The following AR variants were observed in gnomAD, a reference collection of about 807,000 sequenced individuals.
The protein encoded by AR is androgen receptor.
A neutral mutation model predicts 53.9 loss-of-function variants in AR; 8 were observed. The ratio of observed to expected loss-of-function variants is 0.15; its 90% CI spans 0.09 to 0.27. AR has a LOEUF of 0.27. Ranked by LOEUF, AR falls within the 10% of genes least tolerant of loss-of-function variation. The probability of loss-of-function intolerance (pLI) is 1.00; values close to 1 mark genes in which losing one functional copy is unlikely to be tolerated. For synonymous variants in AR, 359 were observed against 316.4 expected (o/e 1.13, Z -1.43); for missense variants, 639 against 742.5 (o/e 0.86, Z 1.62).
intron 2 of AR, among the ~76,000 whole-genome samples, chrX:67,654,988 A>G (rs2147452444): frequency 9.6e-6 from 1 of 104,428 alleles, no homozygotes; most frequent in South Asian, 4.6e-4. Flanking sequence ...CTATGACTCT[A>G]TTTTGTTTAA....
At chrX:67,681,159 A>C (rs1160664078) in intron 2 of AR, among the ~76,000 whole-genome samples, 1 of 112,014 alleles carries the variant, frequency 8.9e-6, no homozygotes, top group Non-Finnish European at 1.9e-5. Context: ...TGAGCCCTTC[A>C]TTATAGACTG....
intron 2 of AR, among the ~76,000 whole-genome samples, chrX:67,664,056 T>C: frequency 8.9e-6 from 1 of 111,826 alleles, no homozygotes; most frequent in Non-Finnish European, 1.9e-5. Context: ...TTCTTTGCCA[T>C]GCGTTCGAAC....
chrX:67,682,928 G>C (rs966936213), intron 2 of AR, among the ~76,000 whole-genome samples: 2 of 112,014 alleles, frequency 1.8e-5, no homozygotes, highest in African/African-American at 6.5e-5. Flanking sequence ...AACCACTTCT[G>C]TCACTATTAT....
At chrX:67,607,075 A>G (rs1923662558) in intron 1 of AR, among the ~76,000 whole-genome samples, 1 of 110,118 alleles carries the variant, frequency 9.1e-6, no homozygotes, top group Non-Finnish European at 1.9e-5. Flanking sequence ...TCTTGCCCAG[A>G]CTGGAGTGCA....
intron 1 of AR, among the ~76,000 whole-genome samples, chrX:67,622,810 T>G (rs1279557776): frequency 8.9e-6 from 1 of 112,146 alleles, no homozygotes; most frequent in Non-Finnish European, 1.9e-5. Context: ...TTTTTCTTCC[T>G]ATAGCAATTG....
chrX:67,696,393 G>C (rs2076020975), intron 3 of AR, among the ~76,000 whole-genome samples: 1 of 111,669 alleles, frequency 9.0e-6, no homozygotes, highest in African/African-American at 3.3e-5. Flanking sequence ...TATCTGGACA[G>C]TGAGCCCCTT....
At chrX:67,579,927 A>T (rs1922215889) in intron 1 of AR, among the ~76,000 whole-genome samples, 2 of 111,271 alleles carry the variant, frequency 1.8e-5, no homozygotes, top group South Asian at 7.6e-4. Context: ...AAAGGGTTAA[A>T]TTGTTCCTTC....
At chrX:67,647,543 A>C (rs2147442600) in intron 2 of AR, among the ~76,000 whole-genome samples, 1 of 111,929 alleles carries the variant, frequency 8.9e-6, no homozygotes, top group East Asian at 2.8e-4. Flanking sequence ...AGGCAAATTA[A>C]CTCTGCTAAG....
At position 67,717,484 on chromosome X, in the gene AR, G is replaced by T. The variant is rs137852593; in HGVS notation, c.2180G>T (p.Arg727Leu). The T allele has an allele frequency of 4.1e-4, 502 of 1,210,163 alleles. 3 individuals carry two copies. The highest frequency in any genetic ancestry group is 1.1e-4 in the Non-Finnish European group (95 of 895,222). The stretch of plus-strand genomic sequence containing the variant: ...TCTGCCTCTTCTTCTCCAGGCTTCC[G>T]CAACTTACACGTGGACGACCAGATG... ...VKWAKALPGF[R>L]NLHVDDQMAV... Residue 727 changes from arginine to leucine, a missense_variant, in exon 5 of 8, where the codon CGC becomes CTC. Coordinates refer to ENST00000374690, the MANE Select transcript of AR (RefSeq NM_000044.6).
intron 1 of AR, among the ~76,000 whole-genome samples, chrX:67,606,845 C>T: frequency 1.8e-5 from 2 of 111,690 alleles, no homozygotes; most frequent in Middle Eastern, 9.3e-3. Flanking sequence ...ATTCTGGAGT[C>T]TGTTGCCTAC....
At chrX:67,695,162 TG>T (rs952292501) in intron 3 of AR, 37 of 756,385 alleles carry the variant, frequency 4.9e-5, no homozygotes, top group Non-Finnish European at 5.6e-5. Flanking sequence ...GGTGTCACCT[TG>T]GACAAGAAGC....
At chrX:67,603,381 G>A (rs1385678158) in intron 1 of AR, among the ~76,000 whole-genome samples, 1 of 111,744 alleles carries the variant, frequency 8.9e-6, no homozygotes, top group Non-Finnish European at 1.9e-5. Flanking sequence ...CTACTGCAAA[G>A]TAGGAAGTGC....
intron 1 of AR, among the ~76,000 whole-genome samples, chrX:67,632,357 G>T (rs910867248): frequency 6.2e-5 from 7 of 112,531 alleles, no homozygotes; most frequent in African/African-American, 2.3e-4. Flanking sequence ...CGTTTTTTAA[G>T]CCCGTCAGAA....
At chrX:67,706,657 C>T (rs1169363199) in intron 3 of AR, among the ~76,000 whole-genome samples, 1 of 111,356 alleles carries the variant, frequency 9.0e-6, no homozygotes, top group Non-Finnish European at 1.9e-5. Flanking sequence ...TTCAGTTCTT[C>T]TCTGATCTTG....
chrX:67,638,452 C>T (rs1298412232), intron 1 of AR, among the ~76,000 whole-genome samples: 8 of 111,822 alleles, frequency 7.2e-5, no homozygotes, highest in East Asian at 2.8e-4. Context: ...AATGTAAAAG[C>T]GTTCCTATTT....
intron 2 of AR, among the ~76,000 whole-genome samples, chrX:67,653,541 G>A (rs936190285): frequency 1.8e-5 from 2 of 111,407 alleles, no homozygotes; most frequent in African/African-American, 3.3e-5. Context: ...CAAAGACACG[G>A]CGATGTGAAA....
chrX:67,709,803 C>G (rs1461972421), intron 3 of AR, among the ~76,000 whole-genome samples: 2 of 111,925 alleles, frequency 1.8e-5, no homozygotes, highest in South Asian at 7.4e-4. Context: ...CAACTATGAG[C>G]AACTATGTGT....
At chrX:67,605,354 C>T (rs1923574000) in intron 1 of AR, among the ~76,000 whole-genome samples, 1 of 112,364 alleles carries the variant, frequency 8.9e-6, no homozygotes, top group South Asian at 3.7e-4. Context: ...CAGTAGGAAT[C>T]TCAATGTATT....
chrX:67,664,520 G>T (rs113323464), intron 2 of AR, among the ~76,000 whole-genome samples: 5,858 of 111,850 alleles, frequency 0.052, 148 homozygotes, highest in Middle Eastern at 0.089. Context: ...GTGTCAGTCT[G>T]CCCCTACTTG....
Sources: gnomAD v4.1 joint callset for allele counts (sites outside exome capture counted in the v4.1 genomes callset) on GRCh38, gnomAD v4.1.1 for gene constraint, MANE v1.5 for transcripts, NCBI Gene and HGNC (gene_info 2026-07-23, HGNC 2026-07-21) for gene names.